Variants in SCML4 observed in about 807,000 individuals in gnomAD.
SCML4 encodes Scm polycomb group protein like 4, also known as sex comb on midleg-like protein 4.
Under a neutral mutation model 41.1 loss-of-function variants are expected in SCML4, and 34 were observed. The observed-to-expected ratio is 0.83, with a 90% CI of 0.63 to 1.10. The LOEUF is 1.10. Ranked by LOEUF, SCML4 falls within the 50% of genes least tolerant of loss-of-function variation. SCML4 has a pLI of 0.00. For missense variants in SCML4, 522 were observed against 534.1 expected (o/e 0.98, Z 0.22); for synonymous variants, 214 against 220.9 (o/e 0.97, Z 0.28).
chr6:107,779,396 C>A (rs895414022), intron 1 of SCML4, among the ~76,000 whole-genome samples: 1 of 151,806 alleles, frequency 6.6e-6, no homozygotes, highest in Non-Finnish European at 1.5e-5. Context: ...AGGATTTTCC[C>A]GGGCAGAGCA....
the SCML4 span, among the ~76,000 whole-genome samples, chr6:107,836,735 G>A: frequency 6.6e-6 from 1 of 151,998 alleles, no homozygotes; most frequent in Non-Finnish European, 1.5e-5. Flanking sequence ...AATTCATATT[G>A]TATTACATAA....
intron 4 of SCML4, 134 bp from the exon 5 acceptor site, chr6:107,745,277 T>C: frequency 1.5e-6 from 1 of 653,948 alleles, no homozygotes; most frequent in Non-Finnish European, 2.6e-6. Context: ...TTTCACCTGT[T>C]TGTTCACAAT....
chr6:107,829,808 GAATT>G, the SCML4 span, among the ~76,000 whole-genome samples: 5 of 152,102 alleles, frequency 3.3e-5, no homozygotes, highest in African/African-American at 4.8e-5. Flanking sequence ...AAACTGGTAT[GAATT>G]AATTGATTGA....
intron 3 of SCML4, among the ~76,000 whole-genome samples, 153 bp downstream of exon 3, chr6:107,749,531 C>T (rs1038235416): frequency 9.2e-5 from 14 of 152,214 alleles, no homozygotes; most frequent in Admixed American, 9.2e-4. Flanking sequence ...CTCAAAGACT[C>T]TGGTCATCCT....
At chr6:107,761,518 C>G (rs1326998481) in intron 2 of SCML4, among the ~76,000 whole-genome samples, 1 of 151,516 alleles carries the variant, frequency 6.6e-6, no homozygotes. Flanking sequence ...CTTACTGCAA[C>G]CACTGCTTCC....
At chr6:107,742,850 T>C (rs1777714897) in intron 5 of SCML4, among the ~76,000 whole-genome samples, 1 of 152,118 alleles carries the variant, frequency 6.6e-6, no homozygotes, top group African/African-American at 2.4e-5. Flanking sequence ...ACAAAGCCTG[T>C]TGGTACCATT....
At chr6:107,724,565 A>G (rs888125033) in intron 5 of SCML4, among the ~76,000 whole-genome samples, 2 of 152,242 alleles carry the variant, frequency 1.3e-5, no homozygotes, top group African/African-American at 4.8e-5. Context: ...AAATAGGAAT[A>G]ACTTTAACAA....
intron 6 of SCML4, chr6:107,718,492 G>C (rs930676491): frequency 2.6e-5 from 4 of 152,344 alleles, no homozygotes; most frequent in African/African-American, 7.2e-5. Flanking sequence ...GGAGAACAAA[G>C]GGCCGGTATG....
At chr6:107,705,772 C>A (rs945326865) in intron 7 of SCML4, among the ~76,000 whole-genome samples, 1 of 152,150 alleles carries the variant, frequency 6.6e-6, no homozygotes, top group Non-Finnish European at 1.5e-5. Flanking sequence ...TAGCTGATAA[C>A]AAAGCAACTC....
upstream of SCML4, among the ~76,000 whole-genome samples, chr6:107,828,647 C>A (rs2114332567): frequency 6.6e-6 from 1 of 152,320 alleles, no homozygotes; most frequent in East Asian, 1.9e-4. Context: ...CTCCCACACT[C>A]CAGAGGCCCC....
At chr6:107,822,193 T>C (rs1784990329) in intron 1 of SCML4, among the ~76,000 whole-genome samples, 1 of 152,242 alleles carries the variant, frequency 6.6e-6, no homozygotes, top group Admixed American at 6.5e-5. Context: ...AAAGTGTTAC[T>C]GAGTATTTTT....
At chr6:107,734,421 T>G (rs1003537945) in intron 5 of SCML4, among the ~76,000 whole-genome samples, 8 of 152,234 alleles carry the variant, frequency 5.3e-5, no homozygotes, top group African/African-American at 1.9e-4. Context: ...GAACATTCAT[T>G]CATTGGTTAA....
intron 1 of SCML4, among the ~76,000 whole-genome samples, chr6:107,787,603 T>G (rs1373777553): frequency 6.6e-6 from 1 of 152,258 alleles, no homozygotes; most frequent in East Asian, 1.9e-4. Context: ...AAATTCTCTT[T>G]TCAAGATGAT....
intron 1 of SCML4, among the ~76,000 whole-genome samples, chr6:107,816,265 C>T (rs1029660306): frequency 6.6e-6 from 1 of 152,208 alleles, no homozygotes; most frequent in African/African-American, 2.4e-5. Flanking sequence ...CCTCCACATC[C>T]CTGAGCACAT....
intron 2 of SCML4, among the ~76,000 whole-genome samples, chr6:107,770,649 T>G (rs938772362): frequency 6.6e-6 from 1 of 152,104 alleles, no homozygotes; most frequent in African/African-American, 2.4e-5. Context: ...CTGACCTGAG[T>G]TGTCTCTGAG....
At chr6:107,708,506 T>C (rs7763152) in intron 6 of SCML4, among the ~76,000 whole-genome samples, 106,417 of 151,772 alleles carry the variant, frequency 0.7, 37,695 homozygotes, top group Admixed American at 0.79. Flanking sequence ...AGAGGCATGG[T>C]AGAATTGAGG....
intron 1 of SCML4, among the ~76,000 whole-genome samples, chr6:107,786,572 C>T (rs35109033): frequency 0.088 from 13,410 of 152,244 alleles, 614 homozygotes; most frequent in East Asian, 0.13. Flanking sequence ...TATGCTTGAG[C>T]TCCTTGGAGA....
At chr6:107,739,648 C>CA (rs1045420754) in intron 5 of SCML4, among the ~76,000 whole-genome samples, 7 of 151,110 alleles carry the variant, frequency 4.6e-5, no homozygotes, top group Non-Finnish European at 7.4e-5. Flanking sequence ...GAGCCTCAAA[C>CA]AAAAAAAAAC....
chr6:107,798,740 C>T (rs975067746), intron 1 of SCML4, among the ~76,000 whole-genome samples: 9 of 152,048 alleles, frequency 5.9e-5, no homozygotes, highest in Non-Finnish European at 1.0e-4. Context: ...ACCACAAATT[C>T]CCCTCTACTC....
Sources: allele counts gnomAD v4.1 joint callset (sites outside exome capture counted in the v4.1 genomes callset), GRCh38; gene constraint gnomAD v4.1.1; transcripts MANE v1.5; gene names NCBI Gene and HGNC (gene_info 2026-07-23, HGNC 2026-07-21).